NSUN2: variants seen among roughly 807,000 people sequenced by gnomAD.
The protein encoded by NSUN2 is RNA cytosine C(5)-methyltransferase NSUN2.
A neutral mutation model predicts 92.7 loss-of-function variants in NSUN2; 63 were observed. The ratio of observed to expected loss-of-function variants is 0.68; its 90% confidence interval spans 0.56 to 0.84. The LOEUF (loss-of-function observed/expected upper bound fraction) is 0.84. Ranked by LOEUF, NSUN2 falls within the 40% of genes least tolerant of loss-of-function variation. The pLI is 0.00. For missense variants in NSUN2, 989 were observed against 964.9 expected, an observed-to-expected ratio of 1.02 and a Z score of -0.33; for synonymous variants, 356 against 348.3, an observed-to-expected ratio of 1.02 and a Z score of -0.25.
chr5:6,607,414 C>T, intron 12 of NSUN2, 30 bp from the exon 13 acceptor site: 1 of 1,576,082 alleles, frequency 6.3e-7, no homozygotes, highest in South Asian at 1.2e-5. Context: ...CATTGACACA[C>T]AAAGAGGAGC....
chr5:6,609,762 G>A (rs1736913046), intron 12 of NSUN2, 64 bp downstream of exon 12: 1 of 1,298,492 alleles, frequency 7.7e-7, no homozygotes, highest in African/African-American at 1.5e-5. Flanking sequence ...CTAAACTCCG[G>A]TTAGTTTTTG....
chr5:6,629,987 C>T (rs1180822255), intron 3 of NSUN2, among the ~76,000 whole-genome samples: 1 of 152,116 alleles, frequency 6.6e-6, no homozygotes, highest in African/African-American at 2.4e-5. Flanking sequence ...CAGGTATGTC[C>T]TTATAACAGT....
intron 9 of NSUN2, among the ~76,000 whole-genome samples, chr5:6,613,161 G>A (rs975817584): frequency 2.0e-5 from 3 of 152,204 alleles, no homozygotes; most frequent in Non-Finnish European, 4.4e-5. Flanking sequence ...TACAGAATAG[G>A]AGACTCACTG....
chr5:6,626,599 T>C (rs1489329826), intron 3 of NSUN2, among the ~76,000 whole-genome samples: 1 of 152,188 alleles, frequency 6.6e-6, no homozygotes, highest in Non-Finnish European at 1.5e-5. Context: ...TCCGGCCGCA[T>C]CAGTCTCCCA....
At chr5:6,627,830 T>C (rs1053962468) in intron 3 of NSUN2, among the ~76,000 whole-genome samples, 1 of 152,254 alleles carries the variant, frequency 6.6e-6, no homozygotes, top group Non-Finnish European at 1.5e-5. Context: ...GTTTATTAAA[T>C]CTTTGTAGAT....
In NSUN2 at chr5:6,600,218, A is replaced by G. The variant is rs908889503; in HGVS notation, c.2012T>C (p.Leu671Pro). The change falls in exon 19 of 19, where the codon CTG becomes CCG. Residue 671 changes from leucine to proline, a missense_variant. Physicochemically the swap from Leu to Pro is moderately conservative, Grantham distance 98. This residue lies in a region of NSUN2 where 626 missense variants were observed against 602.3 expected (regional missense o/e 1.04). Transcript: ENST00000264670. ...TCCGCATAAGACGATGGGACACTGCAGAGCGTCTGGATTCCTACAAGTGAA... is the reference window on the plus strand; with the variant it reads ...TCCGCATAAGACGATGGGACACTGCGGAGCGTCTGGATTCCTACAAGTGAA... ...YEPDSANPDA[L>P]QCPIVLCGWR... is the part of the protein sequence containing the mutation. The G allele has an allele frequency of 3.7e-6, 6 of 1,613,564 alleles. No homozygotes were observed. The highest frequency in any genetic ancestry group is 4.2e-6 in the Non-Finnish European group (5 of 1,179,534).
intron 3 of NSUN2, among the ~76,000 whole-genome samples, chr5:6,625,911 A>G (rs1044866141): frequency 3.3e-5 from 5 of 152,184 alleles, no homozygotes; most frequent in Non-Finnish European, 5.9e-5. Context: ...TTACAAGATT[A>G]TGCATATTAC....
chr5:6,632,837 A>G lies in NSUN2; in HGVS notation c.96+47T>C. On this transcript the variant is annotated intron_variant, in intron 1 of 18. Coordinates refer to ENST00000264670, the MANE Select transcript of NSUN2 (RefSeq NM_017755.6). ...CGCCTCGCAGGCCTCGGGGTCCGGGAAGCCCAGGAGGAGCCCCTGGCCCGC... is the reference window on the plus strand; with the variant it reads ...CGCCTCGCAGGCCTCGGGGTCCGGGGAGCCCAGGAGGAGCCCCTGGCCCGC... 4.5e-6 allele frequency: 7 copies of G among 1,551,888 alleles called. No homozygotes were observed. The South Asian group carries it at 8.1e-5, about 18-fold the overall frequency.
chr5:6,604,769 C>T (rs981835538), intron 15 of NSUN2, 84 bp from the exon 16 acceptor site: 29 of 1,145,168 alleles, frequency 2.5e-5, no homozygotes, highest in South Asian at 2.3e-4. Context: ...ATGGAGCAAC[C>T]GTCACGGAAT....
intron 12 of NSUN2, among the ~76,000 whole-genome samples, chr5:6,608,221 G>C (rs1055210409): frequency 6.6e-6 from 1 of 152,242 alleles, no homozygotes; most frequent in South Asian, 2.1e-4. Flanking sequence ...GAGCAAGTCA[G>C]TGAGGGCACA....
At chr5:6,603,271 T>C (rs931400960) in intron 17 of NSUN2, among the ~76,000 whole-genome samples, 3 of 152,214 alleles carry the variant, frequency 2.0e-5, no homozygotes, top group Non-Finnish European at 4.4e-5. Context: ...AGCAGCAATA[T>C]GACCAATAAT....
chr5:6,614,671 G>A (rs967915370), intron 9 of NSUN2, among the ~76,000 whole-genome samples: 3 of 152,196 alleles, frequency 2.0e-5, no homozygotes, highest in Non-Finnish European at 4.4e-5. Context: ...ATGGGTGAGG[G>A]TGGCAGAAGC....
rs1391710452 is a variant in NSUN2 at position 6,605,311 on chromosome 5, A to G, written c.1699T>C (p.Leu567=). ...CTGTTATTCAGCAGCACATTCCGCA[A>G]CTCCTTAGAAACCATGTAGAGCTGC... The part of the protein sequence containing the change: ...KRQLYMVSKE[L]RNVLLNNSEK... Residue 567 remains leucine, a synonymous_variant, in exon 15 of 19, where the codon TTG becomes CTG. Coordinates refer to ENST00000264670, the MANE Select transcript of NSUN2 (RefSeq NM_017755.6). 3 of 1,613,940 alleles carry G rather than the reference A, an allele frequency of 1.9e-6. No homozygotes were observed. The highest frequency in any genetic ancestry group is 2.5e-6 in the Non-Finnish European group (3 of 1,180,012).
chr5:6,605,385 G>A lies in NSUN2; in HGVS notation c.1625C>T (p.Ser542Leu). The A allele has an allele frequency of 6.2e-7, 1 of 1,614,130 alleles. No individual in the cohort carries two copies. Among genetic ancestry groups the A allele is most frequent in the Non-Finnish European group, 8.5e-7 (1 of 1,179,976 alleles). ...AGTTAACAAATTCATCCTTGGGAAT[G>A]AAGGATCCAAAGCATAAAATTTCCT... ...PIEKFYALDP[S>L]FPRMNLLTRT... Residue 542 changes from serine to leucine, a missense_variant, in exon 15 of 19, where the codon TCA becomes TTA. Physicochemically the swap from Ser to Leu is moderately radical, Grantham distance 145. Around this residue, in one of 3 missense-constraint regions of NSUN2, gnomAD observed 626 missense variants for 602.3 expected, o/e 1.04. Coordinates refer to ENST00000264670, the MANE Select transcript of NSUN2 (RefSeq NM_017755.6).
chr5:6,614,319 A>C (rs111512711), intron 9 of NSUN2, among the ~76,000 whole-genome samples: 1 of 152,170 alleles, frequency 6.6e-6, no homozygotes, highest in Non-Finnish European at 1.5e-5. Flanking sequence ...GACCGGATGA[A>C]GACGAACCCA....
chr5:6,606,812 A>C lies in NSUN2; in HGVS notation c.1601+8T>G. 6.8e-7 allele frequency: 1 copy of C among 1,479,486 alleles called. No individual in the cohort carries two copies. Among genetic ancestry groups the C allele is most frequent in the East Asian group, 2.3e-5 (1 of 44,244 alleles). 91.6% of individuals were successfully genotyped at this position (1,479,486 alleles called of 1,614,324 possible). On this transcript the variant is annotated splice_region_variant and intron_variant, in intron 14 of 18. Transcript: ENST00000264670. ...TTAAATGAATAATTAAAAAGGCTGA[A>C]TCCTTACTCAATAGGTGGAAATAAT...
At chr5:6,619,808 A>G (rs947330826) in intron 7 of NSUN2, among the ~76,000 whole-genome samples, 3 of 152,194 alleles carry the variant, frequency 2.0e-5, no homozygotes, top group African/African-American at 4.8e-5. Context: ...ACACACCACA[A>G]TAAGAGTCTA....
intron 15 of NSUN2, 86 bp downstream of exon 15, chr5:6,605,187 G>C (rs1197082849): frequency 1.3e-6 from 2 of 1,554,006 alleles, no homozygotes; most frequent in African/African-American, 1.4e-5. Context: ...CAGATGTCAC[G>C]GTCTGCTCCA....
At chr5:6,616,039 G>A (rs1214456762) in intron 9 of NSUN2, among the ~76,000 whole-genome samples, 1 of 152,014 alleles carries the variant, frequency 6.6e-6, no homozygotes, top group Non-Finnish European at 1.5e-5. Flanking sequence ...CTTGTGCACT[G>A]GGGGTAGAAA....
Sources: allele counts gnomAD v4.1 joint callset (sites outside exome capture counted in the v4.1 genomes callset), GRCh38; gene constraint gnomAD v4.1.1; regional missense constraint gnomAD v4.1.1; transcripts MANE v1.5; gene names NCBI Gene and HGNC (gene_info 2026-07-23, HGNC 2026-07-21).